The following IGDCC3 variants were observed in gnomAD, a reference collection of about 807,000 sequenced individuals.
IGDCC3 encodes putative neuronal cell adhesion molecule.
In IGDCC3, 47 loss-of-function variants were observed where a neutral mutation model predicts 72.0. The ratio of observed to expected loss-of-function variants is 0.65; its 90% confidence interval spans 0.52 to 0.83. The LOEUF (loss-of-function observed/expected upper bound fraction) is 0.83, where lower values mean the gene tolerates loss of function less well. Ranked by LOEUF, IGDCC3 falls within the 40% of genes least tolerant of loss-of-function variation. IGDCC3 has a pLI of 0.00. For synonymous variants in IGDCC3, 477 were observed against 472.8 expected (o/e 1.01, Z -0.11); for missense variants, 1,038 against 1,091.3 (o/e 0.95, Z 0.69).
At chr15:65,371,965 C>T (rs78033710) in intron 2 of IGDCC3, among the ~76,000 whole-genome samples, 3,284 of 152,316 alleles carry the variant, frequency 0.022, 136 homozygotes, top group African/African-American at 0.075. Context: ...TGCACTCTGG[C>T]TCCAATAATT....
rs551543228 is a variant in IGDCC3, at chr15:65,342,849, GTTTGTTTGTTTTTT to G, written c.410-6907_410-6894del. Among the ~76,000 whole-genome samples, 590 of 151,284 alleles carry G rather than the reference GTTTGTTTGTTTTTT, an allele frequency of 3.9e-3. 2 individuals carry two copies. The highest frequency in any genetic ancestry group is 0.014 in the African/African-American group (565 of 40,702). On this transcript the variant is annotated intron_variant, in intron 2 of 13. Transcript: ENST00000327987. ...TTGCTAAAACTTTGTTTGCTTTTGT[GTTTGTTTGTTTTTT>G]TTTGTTTGTTTTTGAGACAGGGTCT...
chr15:65,335,830 A>G lies in IGDCC3; in HGVS notation c.536T>C (p.Ile179Thr), dbSNP rs376345208. ...GGCTCACCTCTCATTGTCCGTGTCAATTGGGACTCTGTTCTTCTCCCAAGT... is the reference window on the plus strand; with the variant it reads ...GGCTCACCTCTCATTGTCCGTGTCAGTTGGGACTCTGTTCTTCTCCCAAGT... ...LITWEKNRVP[I>T]DTDNERYTLL... Residue 179 changes from isoleucine to threonine, a missense_variant, in exon 3 of 14, where the codon ATT (isoleucine) becomes ACT (threonine). Transcript: ENST00000327987. 66 of 1,613,938 alleles carry G rather than the reference A, an allele frequency of 4.1e-5. No individual in the cohort carries two copies. The highest frequency in any genetic ancestry group is 1.6e-4 in the Middle Eastern group (1 of 6,084).
At position 65,330,591 on chromosome 15, in the gene IGDCC3, A is replaced by G. The variant is rs1457596221; in HGVS notation, c.1712T>C (p.Leu571Pro). 2 of 1,613,684 alleles carry G rather than the reference A, an allele frequency of 1.2e-6. No individual in the cohort carries two copies. The highest frequency in any genetic ancestry group is 1.7e-6 in the Non-Finnish European group (2 of 1,179,996). The change falls in exon 10 of 14, where the codon CTG becomes CCG. Residue 571 changes from leucine (L) to proline (P), a missense_variant. Transcript: ENST00000327987. ...GTAGGAGGAGACGGTTCCAGGCAGC[A>G]GGATGGGGCCGGTGAAGGAGGTCTT... is the stretch of plus-strand genomic sequence containing the variant. ...ASKTSFTGPI[L>P]LPGTVSSYNL...
intron 2 of IGDCC3, among the ~76,000 whole-genome samples, chr15:65,352,469 C>T (rs1349212505): frequency 6.6e-6 from 1 of 152,142 alleles, no homozygotes; most frequent in African/African-American, 2.4e-5. Flanking sequence ...AATAAAAGCC[C>T]TTTGGGGAAC....
intron 2 of IGDCC3, among the ~76,000 whole-genome samples, chr15:65,347,474 A>C (rs763515919): frequency 1.3e-5 from 2 of 152,208 alleles, no homozygotes; most frequent in African/African-American, 2.4e-5. Flanking sequence ...ACCCCTCTCC[A>C]TCTGTCAGTG....
chr15:65,356,735 G>C (rs932405050), intron 2 of IGDCC3, among the ~76,000 whole-genome samples: 1 of 151,850 alleles, frequency 6.6e-6, no homozygotes, highest in African/African-American at 2.4e-5. Flanking sequence ...TCAAGATCAG[G>C]AAGTGTCTTA....
rs771241060 is a variant in IGDCC3, at chr15:65,375,302, G to T, written c.204C>A (p.Thr68=). The T allele has an allele frequency of 2.5e-6, 4 of 1,614,008 alleles. No individual in the cohort carries two copies. The highest frequency in any genetic ancestry group is 8.5e-7 in the Non-Finnish European group (1 of 1,180,034). ...TCCTCCAGGTGATTCGCACTGGAGGGGTCCCCTCCACCCTGCAGTCCAGCA... is the reference window on the plus strand; with the variant it reads ...TCCTCCAGGTGATTCGCACTGGAGGTGTCCCCTCCACCCTGCAGTCCAGCA... ...PIVLDCRVEG[T]PPVRITWRKN... The change falls in exon 2 of 14, where the codon ACC becomes ACA. Residue 68 remains threonine (T), a synonymous_variant. Transcript: ENST00000327987.
intron 2 of IGDCC3, among the ~76,000 whole-genome samples, chr15:65,343,643 C>T (rs1414900206): frequency 6.6e-6 from 1 of 152,200 alleles, no homozygotes; most frequent in Non-Finnish European, 1.5e-5. Context: ...ATAGTTAAAA[C>T]ACCTGCTGAA....
intron 2 of IGDCC3, among the ~76,000 whole-genome samples, chr15:65,337,416 G>A (rs1046045865): frequency 1.1e-4 from 16 of 152,280 alleles, no homozygotes; most frequent in Non-Finnish European, 1.6e-4. Context: ...CCACTGCTGC[G>A]GCGGGTGTGT....
intron 2 of IGDCC3, among the ~76,000 whole-genome samples, chr15:65,357,855 C>T (rs746020158): frequency 1.3e-5 from 2 of 152,142 alleles, no homozygotes; most frequent in South Asian, 2.1e-4. Flanking sequence ...CTGCAGCTGC[C>T]GAACTACTCC....
intron 11 of IGDCC3, 74 bp downstream of exon 11, chr15:65,330,219 G>T: frequency 9.3e-7 from 1 of 1,073,296 alleles, no homozygotes; most frequent in Non-Finnish European, 1.4e-6. Context: ...TTCAAGCGTG[G>T]CACATGCTAT....
intron 9 of IGDCC3, 43 bp downstream of exon 9, chr15:65,331,005 CCT>C (rs762426746): frequency 6.2e-7 from 1 of 1,601,504 alleles, no homozygotes; most frequent in South Asian, 1.1e-5. Context: ...GCTCTGATAC[CCT>C]GAGTGAGTGC....
rs1018999273 is a variant in IGDCC3, at chr15:65,377,611, C to T, written c.103+75G>A. 6.3e-5 allele frequency: 83 copies of T among 1,311,724 alleles called. No individual in the cohort carries two copies. Among genetic ancestry groups the T allele is most frequent in the Non-Finnish European group, 7.3e-5 (75 of 1,029,560 alleles). The allele number at this position is 1,311,724 out of a possible 1,614,324, so 81.3% of individuals were successfully genotyped here. On this transcript the variant is annotated intron_variant, in intron 1 of 13. Coordinates refer to ENST00000327987, the MANE Select transcript of IGDCC3 (RefSeq NM_004884.4). The surrounding 1 kb of genome is among the most constrained non-coding windows in gnomAD (Gnocchi z 4.9). ...CGCCGCTCTCCCCGGGTCCGCCCCTCGCGCCCGCTCCCTCCCTGCTCGCCC... is the reference window on the plus strand; with the variant it reads ...CGCCGCTCTCCCCGGGTCCGCCCCTTGCGCCCGCTCCCTCCCTGCTCGCCC...
intron 2 of IGDCC3, among the ~76,000 whole-genome samples, chr15:65,336,242 G>A (rs2091028350): frequency 1.3e-5 from 2 of 152,172 alleles, no homozygotes; most frequent in Admixed American, 6.5e-5. Flanking sequence ...ATCCTGCACT[G>A]TTGGGACTTC....
At chr15:65,334,163 C>T (rs1192005834) in intron 5 of IGDCC3, among the ~76,000 whole-genome samples, 1 of 152,158 alleles carries the variant, frequency 6.6e-6, no homozygotes, top group East Asian at 1.9e-4. Flanking sequence ...CCCCACCCCA[C>T]CCCCTCCAGA....
chr15:65,377,111 C>G lies in IGDCC3; in HGVS notation c.103+575G>C, dbSNP rs954167550. On this transcript the variant is annotated intron_variant, in intron 1 of 13. Coordinates refer to ENST00000327987, the MANE Select transcript of IGDCC3 (RefSeq NM_004884.4). This position sits in a 1 kb window ranked among gnomAD's most constrained non-coding sequence, Gnocchi z 4.9. ...CTCCTTCTTGGCTCACGGGCTCTGT[C>G]CCGGGTCGCTCCCTAGCCACGCGCC... Among the ~76,000 whole-genome samples, 1 of 152,170 alleles carries G rather than the reference C, an allele frequency of 6.6e-6. No individual in the cohort carries two copies.
Position 65,329,298 on chromosome 15 carries a change from CG to C in IGDCC3, c.2205+91del. 6.8e-7 allele frequency: 1 copy of C among 1,474,528 alleles called. No individual in the cohort carries two copies. The highest frequency in any genetic ancestry group is 9.2e-7 in the Non-Finnish European group (1 of 1,092,812). The allele number at this position is 1,474,528 out of a possible 1,614,324, so 91.3% of individuals were successfully genotyped here. ...CTGCAGTTTGACTAAGGCCAATGAT[CG>C]AGGCCCGTGGCCAAGGTGAAGGGGG... On this transcript the variant is annotated intron_variant, in intron 13 of 13. Transcript: ENST00000327987. The surrounding 1 kb of genome is among the most constrained non-coding windows in gnomAD (Gnocchi z 4.1).
At chr15:65,370,587 T>C (rs2140171785) in intron 2 of IGDCC3, among the ~76,000 whole-genome samples, 1 of 124,926 alleles carries the variant, frequency 8.0e-6, no homozygotes, top group South Asian at 2.5e-4. Flanking sequence ...TATATATGTA[T>C]GTATATATAT....
At chr15:65,357,832 G>A (rs2091234927) in intron 2 of IGDCC3, among the ~76,000 whole-genome samples, 2 of 152,130 alleles carry the variant, frequency 1.3e-5, no homozygotes, top group South Asian at 4.1e-4. Flanking sequence ...AAGCCCTCTT[G>A]GCATCACAGC....
Sources: gnomAD v4.1 joint callset for allele counts (sites outside exome capture counted in the v4.1 genomes callset) on GRCh38, gnomAD v4.1.1 for gene constraint, Gnocchi (gnomAD v3.1) non-coding constraint, MANE v1.5 for transcripts, NCBI Gene and HGNC (gene_info 2026-07-23, HGNC 2026-07-21) for gene names.